ERN1: variants seen among roughly 807,000 people sequenced by gnomAD.
The protein encoded by ERN1 is serine/threonine-protein kinase/endoribonuclease IRE1.
A neutral mutation model predicts 113.1 loss-of-function variants in ERN1; 39 were observed. That is an observed-to-expected ratio of 0.34 (90% CI 0.27 to 0.45). The LOEUF is 0.45. Among genes scored for constraint, ERN1 ranks in the 20% least tolerant of loss-of-function variants. ERN1 has a pLI of 1.00. For missense variants in ERN1, 976 were observed against 1,274.8 expected, an observed-to-expected ratio of 0.77 and a Z score of 3.57; for synonymous variants, 507 against 515.9, an observed-to-expected ratio of 0.98 and a Z score of 0.23.
intron 19 of ERN1, 65 bp from the exon 20 acceptor site, chr17:64,045,547 G>C: frequency 1.9e-6 from 3 of 1,605,766 alleles, no homozygotes; most frequent in Non-Finnish European, 2.6e-6. Flanking sequence ...TGTGCGACTG[G>C]GACTCAGTAA....
intron 1 of ERN1, among the ~76,000 whole-genome samples, chr17:64,110,816 G>A (rs751230046): frequency 2.6e-5 from 4 of 152,196 alleles, no homozygotes; most frequent in East Asian, 3.8e-4. Context: ...AGCCTCACAC[G>A]TTTGAATAGA....
Position 64,114,069 on chromosome 17 carries a change from C to T in ERN1, c.55-15828G>A, listed in dbSNP as rs1567886114. Among the ~76,000 whole-genome samples, 3 of 95,190 alleles carry T rather than the reference C, an allele frequency of 3.2e-5. No individual in the cohort carries two copies. The Admixed American group carries it at 3.7e-4, about 12-fold the overall frequency. 62.4% of individuals were successfully genotyped at this position (95,190 alleles called of 152,430 possible). On this transcript the variant is annotated intron_variant, in intron 1 of 21. Transcript: ENST00000433197. ...AAAGACTGTAATAAGAAGGTAAATG[C>T]TAAAAAAAAAAAAAAAAAAGCTTTT...
chr17:64,080,896 C>A, intron 2 of ERN1, 88 bp from the exon 3 acceptor site: 1 of 1,344,008 alleles, frequency 7.4e-7, no homozygotes, highest in Non-Finnish European at 1.0e-6. Flanking sequence ...CCAAGTTGTA[C>A]CGGTAATAAC....
intron 1 of ERN1, among the ~76,000 whole-genome samples, chr17:64,117,365 C>T (rs906134335): frequency 1.3e-5 from 2 of 151,926 alleles, no homozygotes; most frequent in African/African-American, 4.8e-5. Flanking sequence ...ATCACTTGAA[C>T]CCGGGAGGCG....
intron 1 of ERN1, 182 bp downstream of exon 1, chr17:64,129,794 C>T: frequency 6.3e-6 from 3 of 473,334 alleles, no homozygotes; most frequent in East Asian, 7.3e-5. Flanking sequence ...GTCAGGGAAG[C>T]TCTCCCGGCC....
chr17:64,106,429 T>G (rs540899028), intron 1 of ERN1, among the ~76,000 whole-genome samples: 1 of 152,296 alleles, frequency 6.6e-6, no homozygotes, highest in East Asian at 1.9e-4. Flanking sequence ...TTGGCAATCA[T>G]GCTTGGAGGT....
chr17:64,079,793 A>T, intron 3 of ERN1, 59 bp from the exon 4 acceptor site: 1 of 1,384,906 alleles, frequency 7.2e-7, no homozygotes, highest in Non-Finnish European at 1.0e-6. Context: ...GGAACAACAT[A>T]CCAAAGCCAC....
intron 2 of ERN1, among the ~76,000 whole-genome samples, chr17:64,082,730 A>G (rs763214160): frequency 2.6e-5 from 4 of 152,232 alleles, no homozygotes; most frequent in Non-Finnish European, 4.4e-5. Context: ...GTCACCTGAC[A>G]CTGAGGCCTC....
intron 2 of ERN1, among the ~76,000 whole-genome samples, chr17:64,084,530 G>A (rs768188688): frequency 6.7e-6 from 1 of 149,868 alleles, no homozygotes. Context: ...CATCAGTAAG[G>A]AAAAAAAAAA....
intron 1 of ERN1, among the ~76,000 whole-genome samples, chr17:64,102,180 G>A (rs1192314312): frequency 6.6e-6 from 1 of 152,132 alleles, no homozygotes; most frequent in Non-Finnish European, 1.5e-5. Context: ...CAGCTACTTG[G>A]GAGGCTGAAG....
At chr17:64,125,856 G>A (rs1390330883) in intron 1 of ERN1, among the ~76,000 whole-genome samples, 1 of 152,102 alleles carries the variant, frequency 6.6e-6, no homozygotes, top group African/African-American at 2.4e-5. Flanking sequence ...CAAATGTGAT[G>A]GTGTACTCAG....
chr17:64,077,377 G>A (rs927445421), intron 4 of ERN1, among the ~76,000 whole-genome samples: 2 of 152,090 alleles, frequency 1.3e-5, no homozygotes, highest in Admixed American at 6.5e-5. Context: ...ACATACCCAC[G>A]TAACCGGCAT....
intron 1 of ERN1, among the ~76,000 whole-genome samples, chr17:64,121,747 G>C (rs554062231): frequency 1.4e-3 from 220 of 152,260 alleles, no homozygotes; most frequent in Admixed American, 6.2e-3. Flanking sequence ...TCAGCTTCCT[G>C]AAGTGCTGGA....
intron 4 of ERN1, among the ~76,000 whole-genome samples, chr17:64,076,786 G>C (rs1913606471): frequency 6.6e-6 from 1 of 152,126 alleles, no homozygotes; most frequent in South Asian, 2.1e-4. Context: ...TTTTTTAGTA[G>C]AGACGGGGTT....
intron 12 of ERN1, 145 bp downstream of exon 12, chr17:64,057,657 T>C: frequency 1.2e-6 from 1 of 804,994 alleles, no homozygotes; most frequent in Non-Finnish European, 2.0e-6. Context: ...CGTGAGCCAC[T>C]GTGCCCGCCC....
Position 64,064,194 on chromosome 17 carries a change from A to G in ERN1, c.922-43T>C, listed in dbSNP as rs757469030. ...TGAGGGTCAGGAGCCCTGGAGGGAG[A>G]GCGGGTCCCACGGCACACCATCCCA... On this transcript the variant is annotated intron_variant, in intron 9 of 21. Transcript: ENST00000433197. 27 of 1,539,450 alleles carry G rather than the reference A, an allele frequency of 1.8e-5. No individual in the cohort carries two copies. The Admixed American group carries it at 3.2e-4, about 18-fold the overall frequency.
chr17:64,129,704 G>C, intron 1 of ERN1: 1 of 377,490 alleles, frequency 2.6e-6, no homozygotes, highest in Non-Finnish European at 4.7e-6. Context: ...CGCGGGGTCC[G>C]GGGAGCCGCT....
intron 1 of ERN1, among the ~76,000 whole-genome samples, chr17:64,127,075 A>G (rs1961000463): frequency 6.6e-6 from 1 of 152,152 alleles, no homozygotes; most frequent in African/African-American, 2.4e-5. Context: ...AGAAAGGAAA[A>G]ACTCACTGAC....
chr17:64,075,528 G>A (rs921899603), intron 4 of ERN1, among the ~76,000 whole-genome samples: 1 of 152,156 alleles, frequency 6.6e-6, no homozygotes, highest in South Asian at 2.1e-4. Context: ...TGCCTCCTGG[G>A]TTCAAGTGAT....
Sources: gnomAD v4.1 joint callset for allele counts (sites outside exome capture counted in the v4.1 genomes callset) on GRCh38, gnomAD v4.1.1 for gene constraint, MANE v1.5 for transcripts, NCBI Gene and HGNC (gene_info 2026-07-23, HGNC 2026-07-21) for gene names.